C21orf91: variants seen among roughly 807,000 people sequenced by gnomAD.
C21orf91 encodes the protein protein EURL homolog.
In C21orf91, 26 loss-of-function variants were observed where a neutral mutation model predicts 32.9. That is an observed-to-expected ratio of 0.79 (90% CI 0.58 to 1.10). The LOEUF is 1.10. C21orf91 is among the 50% of genes least tolerant of loss of function. The pLI is 0.00. For synonymous variants in C21orf91, 126 were observed against 120.4 expected, an observed-to-expected ratio of 1.05 and a Z score of -0.31; for missense variants, 310 against 341.3, an observed-to-expected ratio of 0.91 and a Z score of 0.72.
chr21:17,814,692 G>C (rs1283796762), intron 2 of C21orf91, among the ~76,000 whole-genome samples: 1 of 152,092 alleles, frequency 6.6e-6, no homozygotes, highest in African/African-American at 2.4e-5. Context: ...CAGATCTCAT[G>C]ATAACTCACT....
chr21:17,806,237 G>C (rs1451043363), intron 2 of C21orf91, among the ~76,000 whole-genome samples: 1 of 152,172 alleles, frequency 6.6e-6, no homozygotes, highest in Non-Finnish European at 1.5e-5. Context: ...ACACGAACCT[G>C]CTTACTGCCT....
chr21:17,805,577 G>C (rs568419517), intron 2 of C21orf91, among the ~76,000 whole-genome samples: 1 of 152,140 alleles, frequency 6.6e-6, no homozygotes, highest in African/African-American at 2.4e-5. Flanking sequence ...GCCTCCCAAA[G>C]TGCTGGGATT....
intron 2 of C21orf91, among the ~76,000 whole-genome samples, chr21:17,803,172 A>G (rs1288953191): frequency 6.6e-6 from 1 of 152,224 alleles, no homozygotes; most frequent in Non-Finnish European, 1.5e-5. Context: ...TTTTAAGCAC[A>G]CTGCCTTAAA....
chr21:17,813,223 AAGTT>A (rs1568756719), intron 2 of C21orf91, among the ~76,000 whole-genome samples: 2 of 152,184 alleles, frequency 1.3e-5, no homozygotes, highest in African/African-American at 4.8e-5. Flanking sequence ...AAGTGGAAAA[AAGTT>A]AGTGTCAGAA....
intron 2 of C21orf91, 66 bp from the exon 3 acceptor site, chr21:17,797,184 ATACAAATCTTAG>A (rs2146247829): frequency 9.8e-7 from 1 of 1,021,676 alleles, no homozygotes; most frequent in South Asian, 1.6e-5. Flanking sequence ...CTTTAAGAAC[ATACAAATCTTAG>A]TAAAATCAGA....
chr21:17,818,291 T>A lies in C21orf91; in HGVS notation c.28A>T (p.Ile10Phe). The A allele has an allele frequency of 6.2e-7, 1 of 1,612,890 alleles. No homozygotes were observed. The highest frequency in any genetic ancestry group is 8.5e-7 in the Non-Finnish European group (1 of 1,179,230). The stretch of plus-strand genomic sequence containing the variant: ...CAAATGTTGTCATCATTCAAATCAA[T>A]GTTTACAAACTGCTCCTCTTCGTTC... MNEEEQFVN[I>F]DLNDDNICSV... Residue 10 changes from isoleucine to phenylalanine, a missense_variant, in exon 2 of 5, where the codon ATT (isoleucine) becomes TTT (phenylalanine). By Grantham distance (21) the Ile-to-Phe change is conservative. Coordinates refer to ENST00000284881, the MANE Select transcript of C21orf91 (RefSeq NM_001100420.2).
intron 2 of C21orf91, among the ~76,000 whole-genome samples, chr21:17,799,716 G>C (rs534890054): frequency 6.6e-6 from 1 of 152,042 alleles, no homozygotes; most frequent in African/African-American, 2.4e-5. Context: ...TGCCTCTTTC[G>C]CGGCCTGTAT....
intron 3 of C21orf91, 128 bp downstream of exon 3, chr21:17,796,454 A>C: frequency 1.4e-6 from 1 of 705,660 alleles, no homozygotes; most frequent in Non-Finnish European, 2.4e-6. Flanking sequence ...TGCTAAGGTG[A>C]ACCTGTTAAA....
chr21:17,801,274 G>GTTCTTTT (rs1278315799), intron 2 of C21orf91, among the ~76,000 whole-genome samples: 2 of 140,414 alleles, frequency 1.4e-5, no homozygotes, highest in South Asian at 2.3e-4. Flanking sequence ...AACACCGTAT[G>GTTCTTTT]TTTTTTTTTT....
chr21:17,797,036 G>A lies in C21orf91; in HGVS notation c.210C>T (p.Asn70=), dbSNP rs2062524649. Residue 70 remains asparagine, a synonymous_variant, in exon 3 of 5, where the codon AAC becomes AAT. Coordinates refer to ENST00000284881, the MANE Select transcript of C21orf91 (RefSeq NM_001100420.2). The stretch of plus-strand genomic sequence containing the variant: ...AAAGCTTAGATCGAGGACAACCCTG[G>A]TTTGCAATTAAATGGTATTTTTCAA... ...DCFEKYHLIA[N]QGCPRSKLSK... The A allele has an allele frequency of 1.2e-6, 2 of 1,611,428 alleles. No homozygotes were observed. The highest frequency in any genetic ancestry group is 1.3e-5 in the African/African-American group (1 of 74,952).
In C21orf91 at chr21:17,792,349, T is replaced by A. The variant is rs1176675864; in HGVS notation, c.*1066A>T. 2 of 152,096 alleles carry A rather than the reference T, an allele frequency of 1.3e-5. No homozygotes were observed. Among genetic ancestry groups the A allele is most frequent in the Non-Finnish European group, 2.9e-5 (2 of 67,988 alleles). 9.4% of individuals were successfully genotyped at this position (152,096 alleles called of 1,614,324 possible). On this transcript the variant is annotated 3_prime_UTR_variant, in exon 5 of 5. Coordinates refer to ENST00000284881, the MANE Select transcript of C21orf91 (RefSeq NM_001100420.2). ...AACAATCCTATATTTCTCTATAGAG[T>A]CTAAAGTTTAGAAAAATACCTCACA...
rs2062453502 is a variant in C21orf91 at position 17,789,268 on chromosome 21, C to CACACACACAT, written c.*4146_*4147insATGTGTGTGT. On this transcript the variant is annotated 3_prime_UTR_variant, in exon 5 of 5. Coordinates refer to ENST00000284881, the MANE Select transcript of C21orf91 (RefSeq NM_001100420.2). ...AAAGCAAGGTTCACACACACACACA[C>CACACACACAT]ACACACACACACACACACAAAATGG... is the stretch of plus-strand genomic sequence containing the variant. 6.6e-6 allele frequency: 1 copy of CACACACACAT among 151,714 alleles called. No homozygotes were observed. Among genetic ancestry groups the CACACACACAT allele is most frequent in the African/African-American group, 2.4e-5 (1 of 41,184 alleles). The allele number at this position is 151,714 out of a possible 1,614,324, so 9.4% of individuals were successfully genotyped here. A position where few individuals can be genotyped will look rare whatever the true frequency, so the allele number is the denominator to read the frequency against.
intron 2 of C21orf91, among the ~76,000 whole-genome samples, chr21:17,805,470 C>T (rs373260591): frequency 5.8e-4 from 88 of 152,260 alleles, no homozygotes; most frequent in Middle Eastern, 3.4e-3. Flanking sequence ...CCTACCACCA[C>T]ACCTGGGTAG....
intron 1 of C21orf91, 21 bp from the exon 2 acceptor site, chr21:17,818,346 A>T (rs1385200709): frequency 1.9e-6 from 3 of 1,582,592 alleles, no homozygotes; most frequent in Non-Finnish European, 2.6e-6. Context: ...ACAGAAAAGG[A>T]AAGTTACACA....
chr21:17,796,365 A>G (rs1226916077), intron 3 of C21orf91, among the ~76,000 whole-genome samples: 2 of 152,230 alleles, frequency 1.3e-5, no homozygotes, highest in African/African-American at 4.8e-5. Context: ...AAATGGCAAA[A>G]CAAACATGGA....
intron 2 of C21orf91, among the ~76,000 whole-genome samples, chr21:17,804,657 G>A (rs1313523697): frequency 6.6e-6 from 1 of 152,156 alleles, no homozygotes; most frequent in Non-Finnish European, 1.5e-5. Context: ...GCCTTTAGAT[G>A]GCAGATTTCA....
chr21:17,799,706 T>G, intron 2 of C21orf91, among the ~76,000 whole-genome samples: 1 of 152,278 alleles, frequency 6.6e-6, no homozygotes, highest in Non-Finnish European at 1.5e-5. Context: ...ATTTTACAAT[T>G]GCCTCTTTCG....
intron 2 of C21orf91, among the ~76,000 whole-genome samples, chr21:17,807,354 G>T (rs529200844): frequency 5.9e-5 from 9 of 152,128 alleles, no homozygotes; most frequent in African/African-American, 1.9e-4. Context: ...TGTCATGATT[G>T]TAAGTTTTCT....
intron 2 of C21orf91, among the ~76,000 whole-genome samples, chr21:17,799,020 A>G (rs759124968): frequency 6.6e-6 from 1 of 152,180 alleles, no homozygotes; most frequent in Non-Finnish European, 1.5e-5. Flanking sequence ...TAATCCCTCA[A>G]AACCGTAAAT....
Sources: gnomAD v4.1 joint callset for allele counts (sites outside exome capture counted in the v4.1 genomes callset) on GRCh38, gnomAD v4.1.1 for gene constraint, MANE v1.5 for transcripts, NCBI Gene and HGNC (gene_info 2026-07-23, HGNC 2026-07-21) for gene names.